ITPR1: variants seen among roughly 807,000 people sequenced by gnomAD.
The protein encoded by ITPR1 is inositol 1,4,5-trisphosphate receptor type 1.
ITPR1 carries 96 observed loss-of-function variants against 318.4 expected under a neutral mutation model. The observed-to-expected ratio is 0.30, with a 90% CI of 0.26 to 0.36. The LOEUF (loss-of-function observed/expected upper bound fraction) is 0.36, where lower values mean the gene tolerates loss of function less well. Ranked by LOEUF, ITPR1 falls within the 10% of genes least tolerant of loss-of-function variation. The probability of loss-of-function intolerance (pLI) is 1.00; values close to 1 mark genes in which losing one functional copy is unlikely to be tolerated. For synonymous variants in ITPR1, 1,312 were observed against 1,289.9 expected (o/e 1.02, Z -0.37); for missense variants, 2,440 against 3,460.2 (o/e 0.71, Z 7.40).
At chr3:4,662,392 T>A in intron 15 of ITPR1, 150 bp downstream of exon 15, 1 of 574,408 alleles carries the variant, frequency 1.7e-6, no homozygotes, top group Non-Finnish European at 2.8e-6. Flanking sequence ...GTGTAACTTT[T>A]AAGAAATAGT....
intron 49 of ITPR1, among the ~76,000 whole-genome samples, chr3:4,780,099 G>A (rs1382763369): frequency 1.3e-5 from 2 of 151,934 alleles, no homozygotes; most frequent in East Asian, 3.9e-4. Flanking sequence ...TCTCTGAGCT[G>A]CACTTTCCTG....
At chr3:4,820,865 G>A (rs1219228416) in intron 60 of ITPR1, among the ~76,000 whole-genome samples, 6 of 152,190 alleles carry the variant, frequency 3.9e-5, no homozygotes, top group Non-Finnish European at 7.3e-5. Context: ...TCAGGGTAGC[G>A]GCTGGGGTGC....
intron 24 of ITPR1, among the ~76,000 whole-genome samples, chr3:4,677,909 T>A (rs2094216469): frequency 7.6e-6 from 1 of 132,344 alleles, no homozygotes; most frequent in African/African-American, 2.7e-5. Flanking sequence ...CTCCCAAGCC[T>A]CTCTACAGCT....
intron 31 of ITPR1, among the ~76,000 whole-genome samples, chr3:4,689,161 G>A (rs1406738531): frequency 1.3e-5 from 2 of 152,172 alleles, no homozygotes; most frequent in African/African-American, 4.8e-5. Context: ...AAATCAGAGA[G>A]ATATAAATTT....
chr3:4,831,127 TCTCTCACACA>T (rs1482887646), intron 60 of ITPR1: 5 of 336,718 alleles, frequency 1.5e-5, no homozygotes, highest in East Asian at 8.2e-5. Flanking sequence ...TCTCTCTCTC[TCTCTCACACA>T]CACACACACA....
At chr3:4,759,185 A>G (rs1006029394) in intron 44 of ITPR1, among the ~76,000 whole-genome samples, 1 of 152,238 alleles carries the variant, frequency 6.6e-6, no homozygotes, top group Non-Finnish European at 1.5e-5. Flanking sequence ...TCCTGAAGCA[A>G]GGCAGGCTCG....
chr3:4,720,044 C>T (rs562443153), intron 40 of ITPR1, among the ~76,000 whole-genome samples: 71 of 152,340 alleles, frequency 4.7e-4, no homozygotes, highest in African/African-American at 1.7e-3. Flanking sequence ...CAGAATGTTT[C>T]CATCATCCCA....
At chr3:4,771,377 T>C (rs1288943292) in intron 46 of ITPR1, among the ~76,000 whole-genome samples, 1 of 152,196 alleles carries the variant, frequency 6.6e-6, no homozygotes, top group Non-Finnish European at 1.5e-5. Context: ...AATCCCTCCA[T>C]GAGTGTCAGA....
At chr3:4,585,745 A>G (rs1264439090) in intron 4 of ITPR1, among the ~76,000 whole-genome samples, 1 of 149,894 alleles carries the variant, frequency 6.7e-6, no homozygotes, top group Non-Finnish European at 1.5e-5. Flanking sequence ...CCTAACATGC[A>G]CTTTTTTTTT....
intron 46 of ITPR1, among the ~76,000 whole-genome samples, chr3:4,773,013 A>G (rs2046280542): frequency 6.6e-6 from 1 of 152,216 alleles, no homozygotes; most frequent in Admixed American, 6.5e-5. Context: ...CAGTGTTTAC[A>G]ATGCAGCTGG....
intron 4 of ITPR1, among the ~76,000 whole-genome samples, chr3:4,622,572 C>CAT (rs1247143153): frequency 2.7e-5 from 4 of 147,558 alleles, no homozygotes; most frequent in African/African-American, 7.5e-5. Flanking sequence ...TACAGATGCC[C>CAT]GCCACCACGC....
intron 4 of ITPR1, among the ~76,000 whole-genome samples, chr3:4,602,545 A>C (rs1477897486): frequency 2.1e-5 from 3 of 145,420 alleles, no homozygotes; most frequent in Admixed American, 7.0e-5. Flanking sequence ...AAAAAAAAAA[A>C]AAAACTTGTA....
At chr3:4,629,786 G>C (rs1268259762) in intron 5 of ITPR1, among the ~76,000 whole-genome samples, 1 of 152,182 alleles carries the variant, frequency 6.6e-6, no homozygotes, top group Admixed American at 6.5e-5. Flanking sequence ...TGGATAAGAG[G>C]GTGTGATACA....
In ITPR1 at chr3:4,680,654, C is replaced by T. The variant is rs762618794; in HGVS notation, c.3069C>T (p.Ser1023=). 21 of 1,613,478 alleles carry T rather than the reference C, an allele frequency of 1.3e-5. No individual in the cohort carries two copies. In the Admixed American group the frequency reaches 1.7e-4, roughly 13 times the overall value. The change falls in exon 25 of 62, where the codon TCC becomes TCT. Residue 1023 remains serine, a synonymous_variant. Coordinates refer to ENST00000649015, the MANE Select transcript of ITPR1 (RefSeq NM_001378452.1). ...ATTCCCAGACTTCAGAAACATCCTC[C>T]GGAAACAGCAGCCAAGAAGGGCCAA... The part of the protein sequence containing the change: ...ESNSQTSETS[S]GNSSQEGPSN...
intron 39 of ITPR1, among the ~76,000 whole-genome samples, chr3:4,714,195 G>T (rs568809853): frequency 6.6e-6 from 1 of 152,158 alleles, no homozygotes; most frequent in African/African-American, 2.4e-5. Context: ...ACTTTTTCAA[G>T]GGCAGAAATA....
chr3:4,621,415 G>T (rs546335160), intron 4 of ITPR1, among the ~76,000 whole-genome samples: 1 of 152,194 alleles, frequency 6.6e-6, no homozygotes, highest in African/African-American at 2.4e-5. Flanking sequence ...CAAAGAGGTG[G>T]TTCTAAACCA....
At chr3:4,583,165 C>CA (rs1168153136) in intron 4 of ITPR1, among the ~76,000 whole-genome samples, 9 of 151,974 alleles carry the variant, frequency 5.9e-5, no homozygotes, top group Admixed American at 2.0e-4. Context: ...TCTTTGGAAG[C>CA]AAAAAAATAC....
At chr3:4,689,274 CTT>C (rs2094444378) in intron 31 of ITPR1, among the ~76,000 whole-genome samples, 2 of 152,014 alleles carry the variant, frequency 1.3e-5, no homozygotes, top group African/African-American at 4.8e-5. Flanking sequence ...TGATTTTTAA[CTT>C]TGTAAACAAT....
At chr3:4,500,060 G>A (rs1009743643) in intron 2 of ITPR1, among the ~76,000 whole-genome samples, 7 of 152,206 alleles carry the variant, frequency 4.6e-5, no homozygotes, top group East Asian at 3.8e-4. Flanking sequence ...CTGAGATTTC[G>A]ACACAGCCCT....
Sources: allele counts gnomAD v4.1 joint callset (sites outside exome capture counted in the v4.1 genomes callset), GRCh38; gene constraint gnomAD v4.1.1; transcripts MANE v1.5; gene names NCBI Gene and HGNC (gene_info 2026-07-23, HGNC 2026-07-21).